NUP54: variants seen among roughly 807,000 people sequenced by gnomAD.
NUP54 encodes the protein nucleoporin 54.
NUP54 carries 27 observed loss-of-function variants against 66.4 expected under a neutral mutation model. The ratio of observed to expected loss-of-function variants is 0.41; its 90% CI spans 0.30 to 0.56. The LOEUF is 0.56. NUP54 is among the 20% of genes least tolerant of loss of function. NUP54 has a pLI of 0.34. For synonymous variants in NUP54, 206 were observed against 210.7 expected (o/e 0.98, Z 0.19); for missense variants, 486 against 596.3 (o/e 0.82, Z 1.93).
intron 9 of NUP54, among the ~76,000 whole-genome samples, chr4:76,119,605 T>C (rs909734344): frequency 1.3e-5 from 2 of 151,618 alleles, no homozygotes; most frequent in Non-Finnish European, 2.9e-5. Flanking sequence ...CTCAAACTCC[T>C]AAACTCAAAT....
intron 8 of NUP54, among the ~76,000 whole-genome samples, chr4:76,125,316 T>TCA (rs34954421): frequency 0.11 from 13,580 of 125,074 alleles, 863 homozygotes; most frequent in African/African-American, 0.2. Context: ...TGAGACTCCA[T>TCA]CACACACACA....
At chr4:76,130,509 G>GT (rs1463326495) in intron 8 of NUP54, 147 bp downstream of exon 8, 33 of 543,334 alleles carry the variant, frequency 6.1e-5, no homozygotes, top group African/African-American at 6.0e-4. Context: ...CATAAAGAAG[G>GT]TAGTTGTATA....
At chr4:76,145,896 G>A (rs1731477697) in intron 1 of NUP54, 1 of 276,192 alleles carries the variant, frequency 3.6e-6, no homozygotes, top group African/African-American at 2.3e-5. Flanking sequence ...GCTGCATGTT[G>A]CATGCAGGCA....
chr4:76,132,410 A>C, intron 6 of NUP54, 113 bp downstream of exon 6: 8 of 719,030 alleles, frequency 1.1e-5, no homozygotes, highest in Non-Finnish European at 1.7e-5. Context: ...GATATATGAC[A>C]AGATGATACT....
chr4:76,134,681 A>T (rs1247381719), intron 4 of NUP54, among the ~76,000 whole-genome samples: 1 of 152,044 alleles, frequency 6.6e-6, no homozygotes, highest in Non-Finnish European at 1.5e-5. Flanking sequence ...GCATGTCATT[A>T]TAAAAGTGAC....
At position 76,130,634 on chromosome 4, in the gene NUP54, G is replaced by A. The variant is rs748856172; in HGVS notation, c.1056+22C>T. On this transcript the variant is annotated intron_variant, in intron 8 of 11. Transcript: ENST00000264883. ...CCCTTTCCCTACTTCCAGGGCCAGG[G>A]AATAAAAAGCTAAATGCTTACATCT... 6.0e-6 allele frequency: 9 copies of A among 1,510,554 alleles called. No individual in the cohort carries two copies. In the South Asian group the frequency reaches 1.0e-4, roughly 17 times the overall value. The allele number at this position is 1,510,554 out of a possible 1,614,324, so 93.6% of individuals were successfully genotyped here.
intron 3 of NUP54, among the ~76,000 whole-genome samples, chr4:76,141,944 A>C (rs1731284111): frequency 6.6e-6 from 1 of 152,148 alleles, no homozygotes; most frequent in Non-Finnish European, 1.5e-5. Flanking sequence ...CTCTGCCATA[A>C]ACCATGCCAT....
At chr4:76,122,694 C>T (rs973676575) in intron 9 of NUP54, among the ~76,000 whole-genome samples, 23 of 152,180 alleles carry the variant, frequency 1.5e-4, no homozygotes, top group Admixed American at 1.5e-3. Flanking sequence ...ACAGCAATTT[C>T]ACTCCTAGGT....
At chr4:76,139,603 A>C (rs1037934013) in intron 3 of NUP54, among the ~76,000 whole-genome samples, 1 of 152,186 alleles carries the variant, frequency 6.6e-6, no homozygotes, top group African/African-American at 2.4e-5. Context: ...CATGATTCAA[A>C]CAAACCAAAT....
chr4:76,133,914 TGCAC>T (rs1241665515), intron 5 of NUP54, among the ~76,000 whole-genome samples: 5 of 152,296 alleles, frequency 3.3e-5, no homozygotes, highest in South Asian at 4.1e-4. Flanking sequence ...GCCCTCAATT[TGCAC>T]GCATCTATGA....
chr4:76,118,284 A>G, intron 9 of NUP54, 90 bp from the exon 10 acceptor site: 7 of 1,234,920 alleles, frequency 5.7e-6, no homozygotes, highest in Non-Finnish European at 7.0e-6. Flanking sequence ...GAAAGAAATC[A>G]GCTGAAAATC....
intron 3 of NUP54, among the ~76,000 whole-genome samples, chr4:76,137,402 G>A (rs1374215586): frequency 6.6e-6 from 1 of 151,732 alleles, no homozygotes; most frequent in African/African-American, 2.4e-5. Flanking sequence ...GGATGCATGT[G>A]GATAAAAAAA....
In NUP54 at chr4:76,120,121, C is replaced by T. The variant is rs549022189; in HGVS notation, c.1165-1927G>A. ...TTTCACACTACAATGCCATAATAAA[C>T]ATTTTTGTAGCTTTGACTCTATAAA... On this transcript the variant is annotated intron_variant, in intron 9 of 11. Transcript: ENST00000264883. Among the ~76,000 whole-genome samples, 27 of 152,152 alleles carry T rather than the reference C, an allele frequency of 1.8e-4. No individual in the cohort carries two copies. In the East Asian group the frequency reaches 4.6e-3, roughly 26 times the overall value.
chr4:76,143,980 T>C (rs1310431267), intron 3 of NUP54, 169 bp downstream of exon 3: 4 of 656,804 alleles, frequency 6.1e-6, no homozygotes, highest in Non-Finnish European at 1.0e-5. Context: ...TGCCAATCAG[T>C]GTTCTCCCCA....
intron 11 of NUP54, 74 bp downstream of exon 11, chr4:76,117,590 G>T: frequency 1.1e-6 from 1 of 881,252 alleles, no homozygotes; most frequent in Non-Finnish European, 1.9e-6. Context: ...TTTCTTATTA[G>T]GATAATAGCC....
chr4:76,140,734 G>C (rs1357283168), intron 3 of NUP54, among the ~76,000 whole-genome samples: 1 of 152,204 alleles, frequency 6.6e-6, no homozygotes, highest in Non-Finnish European at 1.5e-5. Context: ...GCAACATTGA[G>C]ACCTGAGGTT....
intron 9 of NUP54, among the ~76,000 whole-genome samples, chr4:76,120,748 A>C (rs748677937): frequency 6.6e-6 from 1 of 151,862 alleles, no homozygotes; most frequent in Non-Finnish European, 1.5e-5. Flanking sequence ...TTTTTTCTTT[A>C]ATCTGCAATT....
intron 5 of NUP54, among the ~76,000 whole-genome samples, chr4:76,133,178 A>G (rs1419574574): frequency 1.3e-5 from 2 of 152,070 alleles, no homozygotes; most frequent in African/African-American, 4.8e-5. Context: ...GATTACAGGT[A>G]TGATGAGCTG....
At chr4:76,134,497 C>T in intron 4 of NUP54, 135 bp from the exon 5 acceptor site, 1 of 753,120 alleles carries the variant, frequency 1.3e-6, no homozygotes, top group Non-Finnish European at 2.1e-6. Flanking sequence ...AATGATTCTT[C>T]CCACCATTTT....
Sources: allele counts gnomAD v4.1 joint callset (sites outside exome capture counted in the v4.1 genomes callset), GRCh38; gene constraint gnomAD v4.1.1; transcripts MANE v1.5; gene names NCBI Gene and HGNC (gene_info 2026-07-23, HGNC 2026-07-21).